CHAF1A: variants seen among roughly 807,000 people sequenced by gnomAD.
CHAF1A encodes the protein chromatin assembly factor 1 subunit A.
A neutral mutation model predicts 93.2 loss-of-function variants in CHAF1A; 5 were observed. The ratio of observed to expected loss-of-function variants is 0.05; its 90% CI spans 0.03 to 0.11. The LOEUF (loss-of-function observed/expected upper bound fraction) is 0.11. CHAF1A is among the 10% of genes least tolerant of loss of function. CHAF1A has a pLI of 1.00. For synonymous variants in CHAF1A, 504 were observed against 510.3 expected (o/e 0.99, Z 0.17); for missense variants, 1,102 against 1,259.9 (o/e 0.87, Z 1.90).
In CHAF1A at chr19:4,421,278, T is replaced by C. The variant is rs552516541; in HGVS notation, c.1018-1288T>C. ...TGGTAGACTTGGGGTTTCACCTTCT[T>C]GGCCAGGCTGGTCTCAAACTTCTGG... On this transcript the variant is annotated intron_variant, in intron 4 of 14. Transcript: ENST00000301280. 1.2e-3 allele frequency among the ~76,000 whole-genome samples: 185 copies of C among 152,040 alleles called. 5 individuals carry two copies. In the South Asian group the frequency reaches 0.037, roughly 30 times the overall value.
chr19:4,446,114 G>C, downstream of CHAF1A: 2 of 1,612,638 alleles, frequency 1.2e-6, no homozygotes, highest in Non-Finnish European at 1.7e-6. Flanking sequence ...GAGGCCAGCA[G>C]CTCAAAAGGC....
At chr19:4,408,561 C>T (rs1157233548) in intron 2 of CHAF1A, among the ~76,000 whole-genome samples, 1 of 142,884 alleles carries the variant, frequency 7.0e-6, no homozygotes, top group Non-Finnish European at 1.5e-5. Flanking sequence ...TCAACCTCTG[C>T]CTCCCAGGTT....
chr19:4,444,428 C>T (rs1974457979), downstream of CHAF1A: 1 of 152,310 alleles, frequency 6.6e-6, no homozygotes, highest in Admixed American at 6.5e-5. Context: ...AGAGTGCACA[C>T]ATGCCCCGCC....
downstream of CHAF1A, chr19:4,445,759 C>A: frequency 7.1e-7 from 1 of 1,401,704 alleles, no homozygotes; most frequent in South Asian, 1.4e-5. Flanking sequence ...GGCTCGCACC[C>A]AGGCCTCCTG....
downstream of CHAF1A, chr19:4,445,550 G>T: frequency 1.2e-6 from 2 of 1,613,864 alleles, no homozygotes; most frequent in South Asian, 2.2e-5. Flanking sequence ...GATGGAGTCC[G>T]GCTCGGCCCC....
intron 3 of CHAF1A, among the ~76,000 whole-genome samples, chr19:4,410,136 C>T (rs761333660): frequency 2.0e-5 from 3 of 152,128 alleles, no homozygotes; most frequent in Non-Finnish European, 2.9e-5. Flanking sequence ...CCTGTCTAAG[C>T]ATAGAAATGT....
At chr19:4,448,016 C>T (rs1298157171), downstream of CHAF1A, 8 of 524,836 alleles carry the variant, frequency 1.5e-5, no homozygotes, top group African/African-American at 3.8e-5. Flanking sequence ...GGCCTGCCCC[C>T]GATCCTGAGA....
intron 12 of CHAF1A, 96 bp from the exon 13 acceptor site, chr19:4,432,974 T>G: frequency 9.8e-7 from 1 of 1,023,676 alleles, no homozygotes; most frequent in South Asian, 1.6e-5. Flanking sequence ...GCCCCAAGCC[T>G]CGGTGGCAAT....
chr19:4,446,472 C>T (rs1284222217), downstream of CHAF1A: 2 of 1,593,600 alleles, frequency 1.3e-6, no homozygotes, highest in African/African-American at 2.7e-5. Flanking sequence ...CGCCCCGCCC[C>T]ACTCTGCTCC....
intron 13 of CHAF1A, among the ~76,000 whole-genome samples, chr19:4,438,722 G>T (rs1974332377): frequency 6.6e-6 from 1 of 152,210 alleles, no homozygotes; most frequent in Non-Finnish European, 1.5e-5. Flanking sequence ...GGTGGCTCAT[G>T]CCTGTAATCC....
the CHAF1A span, chr19:4,450,567 G>C: frequency 6.6e-6 from 1 of 151,964 alleles, no homozygotes; most frequent in Non-Finnish European, 1.5e-5. Context: ...GACCATCCTG[G>C]CTAACATGGT....
Position 4,406,052 on chromosome 19 carries a change from G to C in CHAF1A, c.103+90G>C, listed in dbSNP as rs542820259. The stretch of plus-strand genomic sequence containing the variant: ...AGACCTCAGTGGAAGCCTGGAGCTA[G>C]AGGGGAGAGAAACAGTCCTTCTTCA... On this transcript the variant is annotated intron_variant, in intron 2 of 14. Coordinates refer to ENST00000301280, the MANE Select transcript of CHAF1A (RefSeq NM_005483.3). 3.9e-6 allele frequency: 4 copies of C among 1,028,164 alleles called. No homozygotes were observed. In the South Asian group the frequency reaches 3.9e-5, roughly 10 times the overall value. The allele number at this position is 1,028,164 out of a possible 1,614,324, so 63.7% of individuals were successfully genotyped here. A position where few individuals can be genotyped will look rare whatever the true frequency, so the allele number is the denominator to read the frequency against.
At chr19:4,443,691 C>T (rs1185322275), downstream of CHAF1A, among the ~76,000 whole-genome samples, 2 of 152,178 alleles carry the variant, frequency 1.3e-5, no homozygotes, top group East Asian at 3.9e-4. Context: ...CTGCTGGGAG[C>T]CGAGTTTGGC....
In CHAF1A at chr19:4,427,136, C is replaced by CTTTTTTTTTTTTTTTTT. The variant is rs747750687; in HGVS notation, c.1378-1513_1378-1497dup. 4.3e-3 allele frequency among the ~76,000 whole-genome samples: 138 copies of CTTTTTTTTTTTTTTTTT among 31,948 alleles called. 22 individuals carry two copies. The highest frequency in any genetic ancestry group is 5.0e-3 in the Non-Finnish European group (100 of 20,174). 21.0% of individuals were successfully genotyped at this position (31,948 alleles called of 152,430 possible). ...GTGATCTTTCAAAAAAAGACCCTGTCTTTTTTTTTTTTTTTTTTTTTTTTT... is the reference window on the plus strand; with the variant it reads ...GTGATCTTTCAAAAAAAGACCCTGTCTTTTTTTTTTTTTTTTTTTTTTTTTTTTTTTTTTTTTTTTTT... On this transcript the variant is annotated intron_variant, in intron 7 of 14. Transcript: ENST00000301280.
At chr19:4,427,770 T>C (rs180990870) in intron 7 of CHAF1A, among the ~76,000 whole-genome samples, 7 of 152,352 alleles carry the variant, frequency 4.6e-5, no homozygotes, top group Admixed American at 4.6e-4. Flanking sequence ...TGTATTTTAG[T>C]AGAGACCGGG....
At chr19:4,428,372 G>A (rs1031656975) in intron 7 of CHAF1A, among the ~76,000 whole-genome samples, 2 of 148,866 alleles carry the variant, frequency 1.3e-5, no homozygotes, top group African/African-American at 5.0e-5. Flanking sequence ...GGACATTTGT[G>A]TTGACAAATG....
chr19:4,421,398 A>G (rs1185699805), intron 4 of CHAF1A, among the ~76,000 whole-genome samples: 3 of 152,124 alleles, frequency 2.0e-5, no homozygotes, highest in Admixed American at 6.5e-5. Context: ...AATGAATCTT[A>G]TATTGAATTT....
downstream of CHAF1A, chr19:4,445,627 C>T (rs769896307): frequency 2.1e-5 from 34 of 1,612,120 alleles, no homozygotes; most frequent in African/African-American, 6.7e-5. Context: ...AGGGCACCTG[C>T]GGTAGGGGTA....
In CHAF1A at chr19:4,402,704, C is replaced by T. The variant is rs1973604215; in HGVS notation, c.-59C>T. Reference sequence around the variant, plus strand: ...GGGCGGGAGGGCGAAGAGCAGCGGCCGCCTGAGGGGAGCCCGCGCCTCCGC... The same window carrying T: ...GGGCGGGAGGGCGAAGAGCAGCGGCTGCCTGAGGGGAGCCCGCGCCTCCGC... On this transcript the variant is annotated 5_prime_UTR_variant, in exon 1 of 15. Coordinates refer to ENST00000301280, the MANE Select transcript of CHAF1A (RefSeq NM_005483.3). 4 of 1,096,762 alleles carry T rather than the reference C, an allele frequency of 3.6e-6. No individual in the cohort carries two copies. The highest frequency in any genetic ancestry group is 4.6e-6 in the Non-Finnish European group (4 of 874,878). The allele number at this position is 1,096,762 out of a possible 1,614,324, so 67.9% of individuals were successfully genotyped here.
Sources: gnomAD v4.1 joint callset for allele counts (sites outside exome capture counted in the v4.1 genomes callset) on GRCh38, gnomAD v4.1.1 for gene constraint, MANE v1.5 for transcripts, NCBI Gene and HGNC (gene_info 2026-07-23, HGNC 2026-07-21) for gene names.